The following DCUN1D5 variants were observed in gnomAD, a reference collection of about 807,000 sequenced individuals.
The protein encoded by DCUN1D5 is DCN1-like protein 5.
In DCUN1D5, 10 loss-of-function variants were observed where a neutral mutation model predicts 38.3. The ratio of observed to expected loss-of-function variants is 0.26; its 90% CI spans 0.16 to 0.44. The LOEUF (loss-of-function observed/expected upper bound fraction) is 0.44. Among genes scored for constraint, DCUN1D5 ranks in the 20% least tolerant of loss-of-function variants. The probability of loss-of-function intolerance (pLI) is 1.00; values close to 1 mark genes in which losing one functional copy is unlikely to be tolerated. For missense variants in DCUN1D5, 148 were observed against 275.3 expected (o/e 0.54, Z 3.27); for synonymous variants, 93 against 90.9 (o/e 1.02, Z -0.13).
rs965098686 is a variant in DCUN1D5 at position 103,071,483 on chromosome 11, T to A, written c.342-4916A>T. Among the ~76,000 whole-genome samples the A allele has an allele frequency of 6.6e-6, 1 of 150,792 alleles. No homozygotes were observed. The highest frequency in any genetic ancestry group is 2.4e-5 in the African/African-American group (1 of 41,222). On this transcript the variant is annotated intron_variant, in intron 4 of 7. Transcript: ENST00000260247. This position sits in a 1 kb window ranked among gnomAD's most constrained non-coding sequence, Gnocchi z 4.1. ...ACATATAAAGATTTTTATACAGGTA[T>A]AATCTATATATAATTTTATATACTC...
rs148433506 is a variant in DCUN1D5 at position 103,078,362 on chromosome 11, G to A, written c.341+4386C>T. The stretch of plus-strand genomic sequence containing the variant: ...ACTCGCCAAGTATCCTTGAAACCTC[G>A]TATCTATAGACGAAGGAAGAGAAAT... On this transcript the variant is annotated intron_variant, in intron 4 of 7. Transcript: ENST00000260247. This position sits in a 1 kb window ranked among gnomAD's most constrained non-coding sequence, Gnocchi z 4.6. 3.9e-5 allele frequency among the ~76,000 whole-genome samples: 6 copies of A among 152,220 alleles called. No individual in the cohort carries two copies. Among genetic ancestry groups the A allele is most frequent in the Admixed American group, 2.0e-4 (3 of 15,296 alleles).
rs1305747544 is a variant in DCUN1D5, at chr11:103,077,024, C to A, written c.341+5724G>T. 2.0e-5 allele frequency among the ~76,000 whole-genome samples: 3 copies of A among 152,070 alleles called. No homozygotes were observed. The highest frequency in any genetic ancestry group is 2.0e-4 in the Admixed American group (3 of 15,264). ...CCATCCCGGCTAACATGGTGAAACC[C>A]CGTCTCTACTAAAAATACAAAAAAA... is the stretch of plus-strand genomic sequence containing the variant. On this transcript the variant is annotated intron_variant, in intron 4 of 7. Transcript: ENST00000260247. The surrounding 1 kb of genome is among the most constrained non-coding windows in gnomAD (Gnocchi z 4.3).
intron 4 of DCUN1D5, 107 bp downstream of exon 4, chr11:103,082,641 A>G (rs1862595537): frequency 4.0e-6 from 3 of 752,138 alleles, no homozygotes; most frequent in African/African-American, 1.8e-5. Context: ...TAGATCAAAC[A>G]GATTTGATTT....
intron 4 of DCUN1D5, among the ~76,000 whole-genome samples, chr11:103,070,919 T>C (rs1470136245): frequency 1.3e-5 from 2 of 152,126 alleles, no homozygotes; most frequent in African/African-American, 4.8e-5. Flanking sequence ...AGAAAGTTAA[T>C]GGCAAAATCT....
Position 103,091,823 on chromosome 11 carries a change from G to A in DCUN1D5, c.50C>T (p.Ala17Val). The stretch of plus-strand genomic sequence containing the variant: ...ACACTTTTTGAGGCCTCCGTCTTCC[G>A]CTACTGCTGCTGCCACCCCAGGGGA... The part of the protein sequence containing the change: ...RKSPGVAAAV[A>V]EDGGLKKCKI... The change falls in exon 1 of 8, where the codon GCG becomes GTG. Residue 17 changes from alanine to valine, a missense_variant. Transcript: ENST00000260247. The surrounding 1 kb of genome is among the most constrained non-coding windows in gnomAD (Gnocchi z 4.3). 2 of 1,614,044 alleles carry A rather than the reference G, an allele frequency of 1.2e-6. No homozygotes were observed. The highest frequency in any genetic ancestry group is 1.7e-6 in the Non-Finnish European group (2 of 1,179,952).
At chr11:103,081,053 G>C (rs572371848) in intron 4 of DCUN1D5, among the ~76,000 whole-genome samples, 2 of 150,634 alleles carry the variant, frequency 1.3e-5, no homozygotes, top group Admixed American at 1.3e-4. Context: ...TTCTATTCTT[G>C]TACGCAAGAC....
intron 1 of DCUN1D5, 137 bp from the exon 2 acceptor site, chr11:103,089,455 T>A: frequency 2.7e-6 from 2 of 732,598 alleles, no homozygotes; most frequent in Non-Finnish European, 4.2e-6. Flanking sequence ...GGAAAAAAAC[T>A]GAAGTTGTTA....
At chr11:103,089,364 CTT>C in intron 1 of DCUN1D5, 46 bp from the exon 2 acceptor site, 1 of 1,483,436 alleles carries the variant, frequency 6.7e-7, no homozygotes, top group South Asian at 1.3e-5. Context: ...CATCTCAACT[CTT>C]AGAGAAAAAC....
Position 103,062,502 on chromosome 11 carries a change from A to G in DCUN1D5, c.659-88T>C. On this transcript the variant is annotated intron_variant, in intron 7 of 7. Coordinates refer to ENST00000260247, the MANE Select transcript of DCUN1D5 (RefSeq NM_032299.4). The surrounding 1 kb of genome is among the most constrained non-coding windows in gnomAD (Gnocchi z 4.6). ...AACTCCCCACGAGCTCTGCAATGACAGAGGAATGACCCTTCCTTTCTTTGG... is the reference window on the plus strand; with the variant it reads ...AACTCCCCACGAGCTCTGCAATGACGGAGGAATGACCCTTCCTTTCTTTGG... 8.9e-7 allele frequency: 1 copy of G among 1,128,016 alleles called. No individual in the cohort carries two copies. The highest frequency in any genetic ancestry group is 1.3e-6 in the Non-Finnish European group (1 of 761,198). The allele number at this position is 1,128,016 out of a possible 1,614,324, so 69.9% of individuals were successfully genotyped here. A position where few individuals can be genotyped will look rare whatever the true frequency, so the allele number is the denominator to read the frequency against.
At position 103,091,776 on chromosome 11, in the gene DCUN1D5, G is replaced by A; in HGVS notation, c.86+11C>T. ...GAGGAGGGAAGCTTGAAGGGTGGGG[G>A]GAGATGGTACCTGGAGATTTTACAC... is the stretch of plus-strand genomic sequence containing the variant. On this transcript the variant is annotated intron_variant, in intron 1 of 7. Transcript: ENST00000260247. This position sits in a 1 kb window ranked among gnomAD's most constrained non-coding sequence, Gnocchi z 4.3. The A allele has an allele frequency of 1.9e-6, 3 of 1,613,988 alleles. No homozygotes were observed. Among genetic ancestry groups the A allele is most frequent in the Non-Finnish European group, 2.5e-6 (3 of 1,179,912 alleles).
rs892961507 is a variant in DCUN1D5 at position 103,056,243 on chromosome 11, G to A, written c.*6116C>T. Among the ~76,000 whole-genome samples the A allele has an allele frequency of 6.6e-5, 10 of 152,226 alleles. No individual in the cohort carries two copies. In the East Asian group the frequency reaches 9.6e-4, roughly 15 times the overall value. On this transcript the variant is annotated 3_prime_UTR_variant, in exon 8 of 8. Coordinates refer to ENST00000260247, the MANE Select transcript of DCUN1D5 (RefSeq NM_032299.4). The surrounding 1 kb of genome is among the most constrained non-coding windows in gnomAD (Gnocchi z 4.9). ...TTGAGAAAGGGCTATAATGCCCTAC[G>A]TAATTACCTACAATCAGGCAGGATT...
intron 1 of DCUN1D5, among the ~76,000 whole-genome samples, chr11:103,090,175 G>T (rs1028150879): frequency 1.3e-5 from 2 of 152,040 alleles, no homozygotes; most frequent in Admixed American, 6.5e-5. Flanking sequence ...TAATAATACT[G>T]CCTGCTCAGC....
In DCUN1D5 at chr11:103,060,953, C is replaced by A. The variant is rs1861995903; in HGVS notation, c.*1406G>T. Reference sequence around the variant, plus strand: ...GAGGAGCATTCTGTATTATCCTTTTCTATAAGACATTTAGGAAAACTGTCT... The same window carrying A: ...GAGGAGCATTCTGTATTATCCTTTTATATAAGACATTTAGGAAAACTGTCT... On this transcript the variant is annotated 3_prime_UTR_variant, in exon 8 of 8. Coordinates refer to ENST00000260247, the MANE Select transcript of DCUN1D5 (RefSeq NM_032299.4). Among the ~76,000 whole-genome samples the A allele has an allele frequency of 6.6e-6, 1 of 152,104 alleles. No individual in the cohort carries two copies. The highest frequency in any genetic ancestry group is 2.4e-5 in the African/African-American group (1 of 41,434).
Position 103,091,702 on chromosome 11 carries a change from C to T in DCUN1D5, c.86+85G>A. 1 of 1,611,410 alleles carries T rather than the reference C, an allele frequency of 6.2e-7. No homozygotes were observed. Among genetic ancestry groups the T allele is most frequent in the Non-Finnish European group, 8.5e-7 (1 of 1,178,886 alleles). On this transcript the variant is annotated intron_variant, in intron 1 of 7. Transcript: ENST00000260247. This position sits in a 1 kb window ranked among gnomAD's most constrained non-coding sequence, Gnocchi z 4.3. ...GCCTCACCTGTCTCCAGCCCCAGCC[C>T]GGCAGGCCGGGCCCGACTCCTTTTC...
rs1480708545 is a variant in DCUN1D5 at position 103,053,287 on chromosome 11, A to G, written c.*9072T>C. On this transcript the variant is annotated 3_prime_UTR_variant, in exon 8 of 8. Transcript: ENST00000260247. This position sits in a 1 kb window ranked among gnomAD's most constrained non-coding sequence, Gnocchi z 4.8. ...ATTTAGTCATATTTAGCATCCATTT[A>G]ATGAACCATTTCACTATACTGCCTA... is the stretch of plus-strand genomic sequence containing the variant. 1.3e-5 allele frequency: 2 copies of G among 152,096 alleles called. No individual in the cohort carries two copies. Among genetic ancestry groups the G allele is most frequent in the Non-Finnish European group, 2.9e-5 (2 of 67,974 alleles). 9.4% of individuals were successfully genotyped at this position (152,096 alleles called of 1,614,324 possible).
At chr11:103,068,272 G>A (rs1862183674) in intron 4 of DCUN1D5, among the ~76,000 whole-genome samples, 1 of 152,022 alleles carries the variant, frequency 6.6e-6, no homozygotes, top group Non-Finnish European at 1.5e-5. Flanking sequence ...GCAACCACAA[G>A]TTTTGATAAG....
rs1862863797 is a variant in DCUN1D5 at position 103,091,479 on chromosome 11, TG to T, written c.86+307del. On this transcript the variant is annotated intron_variant, in intron 1 of 7. Transcript: ENST00000260247. This position sits in a 1 kb window ranked among gnomAD's most constrained non-coding sequence, Gnocchi z 4.3. ...GGAGTAGGGGATCGAGGGTCGGTTG[TG>T]GGGTGGGGGTGGGGGTGGGGGGAAG... The T allele has an allele frequency of 4.6e-6, 1 of 215,578 alleles. No individual in the cohort carries two copies. The highest frequency in any genetic ancestry group is 1.1e-4 in the East Asian group (1 of 8,730). 13.4% of individuals were successfully genotyped at this position (215,578 alleles called of 1,614,324 possible). A position where few individuals can be genotyped will look rare whatever the true frequency, so the allele number is the denominator to read the frequency against.
chr11:103,086,734 A>G lies in DCUN1D5; in HGVS notation c.178+2493T>C, dbSNP rs1370547185. On this transcript the variant is annotated intron_variant, in intron 2 of 7. Coordinates refer to ENST00000260247, the MANE Select transcript of DCUN1D5 (RefSeq NM_032299.4). This position sits in a 1 kb window ranked among gnomAD's most constrained non-coding sequence, Gnocchi z 4.1. ...CAGCACTCAGCACAGTGCCTGACTC[A>G]AAACAAGTGCTCAATATTTATTGAA... Among the ~76,000 whole-genome samples the G allele has an allele frequency of 1.3e-5, 2 of 152,188 alleles. No homozygotes were observed. The highest frequency in any genetic ancestry group is 1.5e-5 in the Non-Finnish European group (1 of 68,044).
At position 103,065,458 on chromosome 11, in the gene DCUN1D5, A is replaced by G. The variant is rs1862112682; in HGVS notation, c.555+811T>C. On this transcript the variant is annotated intron_variant, in intron 6 of 7. Transcript: ENST00000260247. The surrounding 1 kb of genome is among the most constrained non-coding windows in gnomAD (Gnocchi z 4.6). ...AGGCGTGTGCCACCACGCCCAGCTGATATCACTGTCTTGTATCACAACTTT... is the reference window on the plus strand; with the variant it reads ...AGGCGTGTGCCACCACGCCCAGCTGGTATCACTGTCTTGTATCACAACTTT... 1.3e-5 allele frequency among the ~76,000 whole-genome samples: 2 copies of G among 152,118 alleles called. No individual in the cohort carries two copies. Among genetic ancestry groups the G allele is most frequent in the African/African-American group, 2.4e-5 (1 of 41,438 alleles).
Sources: gnomAD v4.1 joint callset for allele counts (sites outside exome capture counted in the v4.1 genomes callset) on GRCh38, gnomAD v4.1.1 for gene constraint, Gnocchi (gnomAD v3.1) non-coding constraint, MANE v1.5 for transcripts, NCBI Gene and HGNC (gene_info 2026-07-23, HGNC 2026-07-21) for gene names.